Variants in MAGI2 observed in about 807,000 individuals in gnomAD.
The protein encoded by MAGI2 is membrane-associated guanylate kinase, WW and PDZ domain-containing protein 2.
Under a neutral mutation model 133.3 loss-of-function variants are expected in MAGI2, and 35 were observed. That is an observed-to-expected ratio of 0.26 (90% CI 0.20 to 0.35). The LOEUF (loss-of-function observed/expected upper bound fraction) is 0.35, where lower values mean the gene tolerates loss of function less well. Among genes scored for constraint, MAGI2 ranks in the 10% least tolerant of loss-of-function variants. The pLI, the probability that MAGI2 is intolerant of heterozygous loss-of-function variation, is 1.00. For missense variants in MAGI2, 1,636 were observed against 1,863.4 expected, an observed-to-expected ratio of 0.88 and a Z score of 2.25; for synonymous variants, 729 against 710.6, an observed-to-expected ratio of 1.03 and a Z score of -0.41.
intron 6 of MAGI2, among the ~76,000 whole-genome samples, chr7:78,425,170 G>A (rs1306842582): frequency 6.6e-6 from 1 of 152,138 alleles, no homozygotes; most frequent in Non-Finnish European, 1.5e-5. Context: ...TTCCTGTGCT[G>A]TTCTCATAAT....
intron 2 of MAGI2, among the ~76,000 whole-genome samples, chr7:78,911,607 A>T (rs1278029617): frequency 6.6e-6 from 1 of 152,270 alleles, no homozygotes; most frequent in Non-Finnish European, 1.5e-5. Context: ...ATTTTGTTAC[A>T]GTAGCTCTAA....
At chr7:79,432,364 G>A (rs536224383) in intron 1 of MAGI2, among the ~76,000 whole-genome samples, 1 of 152,284 alleles carries the variant, frequency 6.6e-6, no homozygotes, top group East Asian at 1.9e-4. Context: ...AAGTATAGGT[G>A]TCCCATGATG....
intron 9 of MAGI2, among the ~76,000 whole-genome samples, chr7:78,332,784 G>A (rs949999086): frequency 6.6e-6 from 1 of 151,892 alleles, no homozygotes; most frequent in African/African-American, 2.4e-5. Context: ...CATGTTATTG[G>A]TCTGAGAGAT....
chr7:79,346,628 C>G (rs1256017951), intron 1 of MAGI2, among the ~76,000 whole-genome samples: 1 of 151,942 alleles, frequency 6.6e-6, no homozygotes, highest in Non-Finnish European at 1.5e-5. Flanking sequence ...CTAATTCTCT[C>G]AACAAAGTCT....
chr7:78,236,723 G>A (rs945064353), intron 10 of MAGI2, among the ~76,000 whole-genome samples: 5 of 152,080 alleles, frequency 3.3e-5, no homozygotes, highest in African/African-American at 9.7e-5. Flanking sequence ...TAAATAACAG[G>A]TTAATACAAA....
intron 3 of MAGI2, among the ~76,000 whole-genome samples, chr7:78,542,631 A>G (rs1235153262): frequency 1.3e-5 from 2 of 152,200 alleles, no homozygotes; most frequent in East Asian, 3.9e-4. Flanking sequence ...TTTATAGGCC[A>G]AAGCACAGCA....
At chr7:79,063,871 A>G (rs1199433017) in intron 1 of MAGI2, among the ~76,000 whole-genome samples, 1 of 152,004 alleles carries the variant, frequency 6.6e-6, no homozygotes, top group Non-Finnish European at 1.5e-5. Context: ...AAATTCTTAT[A>G]AAGCCACAAT....
At chr7:79,165,882 G>A (rs1305664084) in intron 1 of MAGI2, among the ~76,000 whole-genome samples, 1 of 151,986 alleles carries the variant, frequency 6.6e-6, no homozygotes, top group Admixed American at 6.6e-5. Flanking sequence ...TAAATGAGGA[G>A]CAATATTAGC....
intron 1 of MAGI2, among the ~76,000 whole-genome samples, chr7:79,354,793 A>G (rs1841913134): frequency 6.6e-6 from 1 of 152,180 alleles, no homozygotes; most frequent in African/African-American, 2.4e-5. Flanking sequence ...ACAGAAAATC[A>G]GGGTGCCTTA....
intron 6 of MAGI2, among the ~76,000 whole-genome samples, chr7:78,455,263 T>A (rs943312420): frequency 5.9e-5 from 9 of 152,262 alleles, no homozygotes; most frequent in African/African-American, 2.2e-4. Context: ...ATTAAACAAA[T>A]TTTTTAGGAA....
At chr7:78,056,556 C>T (rs1196820766) in intron 21 of MAGI2, among the ~76,000 whole-genome samples, 1 of 152,122 alleles carries the variant, frequency 6.6e-6, no homozygotes. Context: ...CCTCAGCAAA[C>T]TGACACAGGT....
At chr7:78,230,131 A>C (rs142238236) in intron 10 of MAGI2, among the ~76,000 whole-genome samples, 136 of 152,362 alleles carry the variant, frequency 8.9e-4, no homozygotes, top group Non-Finnish European at 1.7e-3. Flanking sequence ...AATTAGACCA[A>C]ACACTGTGCT....
intron 2 of MAGI2, among the ~76,000 whole-genome samples, chr7:78,863,454 AG>A (rs2151505664): frequency 6.6e-6 from 1 of 152,308 alleles, no homozygotes; most frequent in African/African-American, 2.4e-5. Flanking sequence ...GAGGGGTGCC[AG>A]GCTCTTTTCA....
At chr7:78,628,213 G>A (rs1808576274) in intron 2 of MAGI2, among the ~76,000 whole-genome samples, 1 of 152,254 alleles carries the variant, frequency 6.6e-6, no homozygotes, top group South Asian at 2.1e-4. Flanking sequence ...TATGCCCTAA[G>A]CTTCTTCCTT....
In MAGI2 at chr7:78,965,922, T is replaced by C. The variant is rs1026307723; in HGVS notation, c.418+41168A>G. ...CAAAAAATAGCTTTTGGAGGCAACC[T>C]CATCCCTCATCCCTCACCTTTGTTT... On this transcript the variant is annotated intron_variant, in intron 2 of 21. Coordinates refer to ENST00000354212, the MANE Select transcript of MAGI2 (RefSeq NM_012301.4). Among the ~76,000 whole-genome samples the C allele has an allele frequency of 7.2e-5, 11 of 152,142 alleles. 1 individual carries two copies. The East Asian group carries it at 2.1e-3, about 30-fold the overall frequency.
intron 21 of MAGI2, among the ~76,000 whole-genome samples, chr7:78,059,954 C>T (rs1033198765): frequency 6.6e-6 from 1 of 152,120 alleles, no homozygotes; most frequent in Admixed American, 6.5e-5. Context: ...CTAACATTAG[C>T]TCTCATTCCA....
intron 1 of MAGI2, among the ~76,000 whole-genome samples, chr7:79,235,343 C>A (rs1447980717): frequency 2.0e-5 from 3 of 152,176 alleles, no homozygotes; most frequent in African/African-American, 7.2e-5. Flanking sequence ...TTCCCGGCTG[C>A]TTTGTTTACC....
At chr7:78,741,426 C>T (rs1412445118) in intron 2 of MAGI2, among the ~76,000 whole-genome samples, 1 of 109,856 alleles carries the variant, frequency 9.1e-6, no homozygotes, top group Non-Finnish European at 1.8e-5. Flanking sequence ...CACACACACA[C>T]ACGGGAGGGG....
chr7:78,124,966 C>T (rs532729314), intron 20 of MAGI2, among the ~76,000 whole-genome samples: 2 of 151,762 alleles, frequency 1.3e-5, no homozygotes, highest in African/African-American at 2.4e-5. Context: ...TGGGCTCAAG[C>T]GATTCTCCTG....
Sources: gnomAD v4.1 joint callset for allele counts (sites outside exome capture counted in the v4.1 genomes callset) on GRCh38, gnomAD v4.1.1 for gene constraint, MANE v1.5 for transcripts, NCBI Gene and HGNC (gene_info 2026-07-23, HGNC 2026-07-21) for gene names.